The following USP43 variants were observed in gnomAD, a reference collection of about 807,000 sequenced individuals.
The protein encoded by USP43 is ubiquitin carboxyl-terminal hydrolase 43.
In USP43, 33 loss-of-function variants were observed where a neutral mutation model predicts 90.7. The observed-to-expected ratio is 0.36, with a 90% CI of 0.28 to 0.49. The LOEUF (loss-of-function observed/expected upper bound fraction) is 0.49, where lower values mean the gene tolerates loss of function less well. Among genes scored for constraint, USP43 ranks in the 20% least tolerant of loss-of-function variants. The probability of loss-of-function intolerance (pLI) is 0.98; values close to 1 mark genes in which losing one functional copy is unlikely to be tolerated. For synonymous variants in USP43, 598 were observed against 615.8 expected, an observed-to-expected ratio of 0.97 and a Z score of 0.43; for missense variants, 1,274 against 1,476.4, an observed-to-expected ratio of 0.86 and a Z score of 2.25.
chr17:9,649,714 A>T (rs928927270), intron 1 of USP43, among the ~76,000 whole-genome samples: 2 of 151,924 alleles, frequency 1.3e-5, no homozygotes, highest in African/African-American at 2.4e-5. Context: ...TGTAGAAAAA[A>T]AAAGAGATCT....
At chr17:9,685,497 C>G (rs1039831284) in intron 7 of USP43, among the ~76,000 whole-genome samples, 2 of 152,164 alleles carry the variant, frequency 1.3e-5, no homozygotes, top group Non-Finnish European at 2.9e-5. Flanking sequence ...TTACTCTATT[C>G]CCTGCTGTGA....
At chr17:9,646,921 A>C (rs1168435650) in intron 1 of USP43, 1 of 152,210 alleles carries the variant, frequency 6.6e-6, no homozygotes, top group East Asian at 1.9e-4. Context: ...ATCACGGTCT[A>C]CTTACTCGGG....
chr17:9,700,377 C>T (rs777770412), intron 10 of USP43, 128 bp downstream of exon 10: 34 of 821,974 alleles, frequency 4.1e-5, no homozygotes, highest in Non-Finnish European at 5.6e-5. Context: ...CAGTGTAACC[C>T]GTTCCTGTGA....
At chr17:9,677,544 T>C (rs1174988512) in intron 5 of USP43, among the ~76,000 whole-genome samples, 2 of 152,188 alleles carry the variant, frequency 1.3e-5, no homozygotes, top group Non-Finnish European at 2.9e-5. Context: ...AGTAAAGCGA[T>C]TGGATTCACA....
intron 7 of USP43, among the ~76,000 whole-genome samples, chr17:9,685,636 G>A (rs1402610782): frequency 1.3e-5 from 2 of 152,126 alleles, no homozygotes; most frequent in Non-Finnish European, 2.9e-5. Context: ...TTCTCTGATT[G>A]GCAATTTTGT....
intron 13 of USP43, 120 bp downstream of exon 13, chr17:9,710,234 C>T (rs539854051): frequency 1.0e-4 from 116 of 1,143,330 alleles, no homozygotes; most frequent in African/African-American, 4.5e-4. Flanking sequence ...AGAGGAAGCC[C>T]GGGATGCTGC....
At chr17:9,663,128 T>C (rs1912759013) in intron 2 of USP43, among the ~76,000 whole-genome samples, 1 of 89,632 alleles carries the variant, frequency 1.1e-5, no homozygotes, top group Non-Finnish European at 2.5e-5. Context: ...TTATGTTTTA[T>C]ATATATATAT....
chr17:9,665,913 ACT>A (rs1457454061), intron 2 of USP43, among the ~76,000 whole-genome samples: 3 of 151,958 alleles, frequency 2.0e-5, no homozygotes, highest in African/African-American at 7.3e-5. Context: ...CAAGGAACAG[ACT>A]CTCATCTAGA....
chr17:9,681,651 G>A (rs1033122558), intron 6 of USP43, among the ~76,000 whole-genome samples: 11 of 149,888 alleles, frequency 7.3e-5, no homozygotes, highest in Non-Finnish European at 1.6e-4. Flanking sequence ...CTGCCACCAC[G>A]CTTGGCTAGT....
chr17:9,663,529 C>G (rs1348026043), intron 2 of USP43, among the ~76,000 whole-genome samples: 2 of 152,150 alleles, frequency 1.3e-5, no homozygotes, highest in African/African-American at 4.8e-5. Flanking sequence ...AACTCCTGAC[C>G]TCAGGTGATC....
chr17:9,715,921 GTGTC>G (rs1245053764), intron 14 of USP43, among the ~76,000 whole-genome samples: 1 of 150,834 alleles, frequency 6.6e-6, no homozygotes, highest in Non-Finnish European at 1.5e-5. Context: ...CTGTGTATAT[GTGTC>G]TGTGTGTGTG....
At chr17:9,723,162 G>A (rs1917054143) in intron 14 of USP43, among the ~76,000 whole-genome samples, 1 of 152,152 alleles carries the variant, frequency 6.6e-6, no homozygotes, top group African/African-American at 2.4e-5. Context: ...CAGCCTCCCA[G>A]GCCCCAGGGT....
intron 14 of USP43, among the ~76,000 whole-genome samples, chr17:9,721,150 A>G (rs1244476286): frequency 5.9e-5 from 9 of 152,168 alleles, no homozygotes; most frequent in Admixed American, 5.9e-4. Context: ...ACCATGTAAA[A>G]AAAAATGGCT....
intron 9 of USP43, among the ~76,000 whole-genome samples, chr17:9,695,407 C>T (rs1386124241): frequency 6.6e-6 from 1 of 152,014 alleles, no homozygotes; most frequent in Admixed American, 6.6e-5. Flanking sequence ...AATCTTGGCT[C>T]ACTGCAACCT....
intron 1 of USP43, among the ~76,000 whole-genome samples, chr17:9,654,895 G>T (rs1317654026): frequency 1.3e-5 from 2 of 151,230 alleles, no homozygotes; most frequent in Admixed American, 6.6e-5. Context: ...GCACCACCAC[G>T]CCCAGCTAAT....
At chr17:9,673,635 C>CA in intron 3 of USP43, among the ~76,000 whole-genome samples, 1 of 152,314 alleles carries the variant, frequency 6.6e-6, no homozygotes, top group East Asian at 1.9e-4. Context: ...AACCAACTGA[C>CA]ACCTCACCGA....
rs148536442 is a variant in USP43, at chr17:9,670,039, C to CTTTTTTTT, written c.740+3298_740+3305dup. On this transcript the variant is annotated intron_variant, in intron 3 of 14. Transcript: ENST00000285199. ...AGTTCATTAGTTTCAGAGGTGACTG[C>CTTTTTTTT]TTTTTTTTTTTTTTTTTGAGACGGA... 3.5e-3 allele frequency among the ~76,000 whole-genome samples: 455 copies of CTTTTTTTT among 131,490 alleles called. 5 individuals carry two copies. Among genetic ancestry groups the CTTTTTTTT allele is most frequent in the African/African-American group, 0.012 (409 of 35,076 alleles). 86.3% of individuals were successfully genotyped at this position (131,490 alleles called of 152,430 possible).
chr17:9,654,811 C>T (rs1912119667), intron 1 of USP43, among the ~76,000 whole-genome samples: 1 of 151,936 alleles, frequency 6.6e-6, no homozygotes, highest in South Asian at 2.1e-4. Context: ...AATCTCTCCT[C>T]ACTGCAACCT....
At chr17:9,717,647 A>C (rs1916667125) in intron 14 of USP43, among the ~76,000 whole-genome samples, 1 of 151,686 alleles carries the variant, frequency 6.6e-6, no homozygotes, top group East Asian at 1.9e-4. Context: ...AGGTGATCTG[A>C]TTGTCTGCAC....
Sources: allele counts gnomAD v4.1 joint callset (sites outside exome capture counted in the v4.1 genomes callset), GRCh38; gene constraint gnomAD v4.1.1; transcripts MANE v1.5; gene names NCBI Gene and HGNC (gene_info 2026-07-23, HGNC 2026-07-21).